MOGAT2: variants seen among roughly 807,000 people sequenced by gnomAD.
The protein encoded by MOGAT2 is monoacylglycerol O-acyltransferase 2.
MOGAT2 carries 27 observed loss-of-function variants against 31.5 expected under a neutral mutation model. That is an observed-to-expected ratio of 0.86 (90% confidence interval 0.63 to 1.18). The LOEUF (loss-of-function observed/expected upper bound fraction) is 1.18, where lower values mean the gene tolerates loss of function less well. Ranked by LOEUF, MOGAT2 falls within the 50% of genes most tolerant of loss-of-function variation. The pLI is 0.00. For synonymous variants in MOGAT2, 163 were observed against 170.0 expected (o/e 0.96, Z 0.32); for missense variants, 436 against 433.2 (o/e 1.01, Z -0.06).
chr11:75,725,356 G>A (rs1403063537), intron 2 of MOGAT2, among the ~76,000 whole-genome samples: 1 of 152,016 alleles, frequency 6.6e-6, no homozygotes, highest in Non-Finnish European at 1.5e-5. Flanking sequence ...ACCAGCCTGG[G>A]CAACATGGTG....
rs79304833 is a variant in MOGAT2, at chr11:75,726,057, T to G, written c.271-1378T>G. On this transcript the variant is annotated intron_variant, in intron 2 of 5. Transcript: ENST00000198801. ...CTGGCCAGGAGCAGCATTTGTTAAC[T>G]GCATTTCTTCCCCTTTCACCTTCAC... Among the ~76,000 whole-genome samples, 709 of 152,340 alleles carry G rather than the reference T, an allele frequency of 4.7e-3. 33 individuals are homozygous for G. The East Asian group carries it at 0.12, about 26-fold the overall frequency.
At chr11:75,720,305 G>A in intron 2 of MOGAT2, 135 bp downstream of exon 2, 1 of 917,052 alleles carries the variant, frequency 1.1e-6, no homozygotes, top group Non-Finnish European at 1.6e-6. Context: ...GCAGGAGCTA[G>A]GGCTTCCGCT....
Position 75,728,058 on chromosome 11 carries a change from C to A in MOGAT2, c.564C>A (p.Ala188=), listed in dbSNP as rs778774220. 9.3e-6 allele frequency: 15 copies of A among 1,614,076 alleles called. No individual in the cohort carries two copies. In the South Asian group the frequency reaches 1.6e-4, roughly 18 times the overall value. The change falls in exon 4 of 6, where the codon GCC becomes GCA. Residue 188 remains alanine, a synonymous_variant. Transcript: ENST00000198801. The part of the protein sequence containing the change: ...GNLLGIIVGG[A]QEALDARPGS... ...TGCTGGGCATCATTGTAGGGGGTGC[C>A]CAGGAGGCCCTGGATGCCAGGCCTG...
At chr11:75,726,919 A>G (rs1944426444) in intron 2 of MOGAT2, among the ~76,000 whole-genome samples, 1 of 152,004 alleles carries the variant, frequency 6.6e-6, no homozygotes, top group South Asian at 2.1e-4. Context: ...CAAACTCCTG[A>G]CCTCAGGTCA....
At chr11:75,725,029 A>T (rs1481761045) in intron 2 of MOGAT2, among the ~76,000 whole-genome samples, 4 of 152,218 alleles carry the variant, frequency 2.6e-5, no homozygotes. Flanking sequence ...CCAAAACCTG[A>T]TGCTTCTGTG....
Position 75,732,723 on chromosome 11 carries a change from A to G in MOGAT2, c.*1437A>G, listed in dbSNP as rs1445227159. Reference sequence around the variant, plus strand: ...GGATAATTCCTACTCATCCTACAATACTGATTTTATCTGTGCAAAGAAGTC... The same window carrying G: ...GGATAATTCCTACTCATCCTACAATGCTGATTTTATCTGTGCAAAGAAGTC... On this transcript the variant is annotated 3_prime_UTR_variant, in exon 6 of 6. Coordinates refer to ENST00000198801, the MANE Select transcript of MOGAT2 (RefSeq NM_025098.4). 3 of 152,152 alleles carry G rather than the reference A, an allele frequency of 2.0e-5. No homozygotes were observed. The highest frequency in any genetic ancestry group is 4.4e-5 in the Non-Finnish European group (3 of 68,054). 9.4% of individuals were successfully genotyped at this position (152,152 alleles called of 1,614,324 possible). A position where few individuals can be genotyped will look rare whatever the true frequency, so the allele number is the denominator to read the frequency against.
Position 75,731,220 on chromosome 11 carries a change from C to T in MOGAT2, c.939C>T (p.Cys313=). 8 of 1,614,168 alleles carry T rather than the reference C, an allele frequency of 5.0e-6. No homozygotes were observed. The highest frequency in any genetic ancestry group is 6.8e-6 in the Non-Finnish European group (8 of 1,180,038). Residue 313 remains cysteine (C), a synonymous_variant, in exon 6 of 6, where the codon TGC becomes TGT. Transcript: ENST00000198801. ...QLHQRYIKEL[C]NLFEAHKLKF... is the part of the protein sequence containing the mutation. The stretch of plus-strand genomic sequence containing the variant: ...ACCAGCGTTATATCAAAGAGCTGTG[C>T]AACCTCTTCGAGGCCCACAAACTTA...
intron 3 of MOGAT2, 106 bp downstream of exon 3, chr11:75,727,745 C>A: frequency 8.0e-7 from 1 of 1,245,600 alleles, no homozygotes; most frequent in South Asian, 1.4e-5. Flanking sequence ...GAGAAGGAGG[C>A]TAGGCCCAAA....
chr11:75,718,106 A>G, intron 1 of MOGAT2, 127 bp downstream of exon 1: 1 of 987,222 alleles, frequency 1.0e-6, no homozygotes, highest in South Asian at 1.5e-5. Flanking sequence ...TGTTGCGCTC[A>G]GAGCCCCTGC....
intron 1 of MOGAT2, 32 bp from the exon 2 acceptor site, chr11:75,719,960 C>A: frequency 6.2e-7 from 1 of 1,606,524 alleles, no homozygotes; most frequent in African/African-American, 1.3e-5. Context: ...TCTCAGACCC[C>A]TGTCCCTGAC....
chr11:75,729,885 C>T (rs1307099418), intron 5 of MOGAT2, among the ~76,000 whole-genome samples: 1 of 151,714 alleles, frequency 6.6e-6, no homozygotes, highest in Non-Finnish European at 1.5e-5. Context: ...GCTGGGATTA[C>T]AGGTGCGTGC....
intron 2 of MOGAT2, among the ~76,000 whole-genome samples, chr11:75,725,487 G>A (rs1177872902): frequency 1.3e-5 from 2 of 152,124 alleles, no homozygotes; most frequent in African/African-American, 4.8e-5. Context: ...GGTGGAGGTT[G>A]CAGTGAGCTG....
At position 75,731,291 on chromosome 11, in the gene MOGAT2, A is replaced by G; in HGVS notation, c.*5A>G. The G allele has an allele frequency of 1.2e-6, 2 of 1,613,698 alleles. No homozygotes were observed. The highest frequency in any genetic ancestry group is 1.7e-6 in the Non-Finnish European group (2 of 1,179,772). On this transcript the variant is annotated 3_prime_UTR_variant, in exon 6 of 6. Transcript: ENST00000198801. ...CAGCACTTGGAGTTCTGCTGAGCCC[A>G]AAGGGCAGGGCCAACATTAGGGAGC...
At chr11:75,725,195 C>T (rs1944410975) in intron 2 of MOGAT2, among the ~76,000 whole-genome samples, 1 of 152,152 alleles carries the variant, frequency 6.6e-6, no homozygotes, top group African/African-American at 2.4e-5. Context: ...ATTACCCTCC[C>T]ACTAGCAGTG....
At chr11:75,721,802 A>AG (rs993672558) in intron 2 of MOGAT2, among the ~76,000 whole-genome samples, 1 of 151,936 alleles carries the variant, frequency 6.6e-6, no homozygotes, top group African/African-American at 2.4e-5. Flanking sequence ...GCAAAGGGGG[A>AG]GGGGTAGAGG....
At chr11:75,719,265 CT>C (rs1276544424) in intron 1 of MOGAT2, 1 of 152,302 alleles carries the variant, frequency 6.6e-6, no homozygotes, top group East Asian at 1.9e-4. Flanking sequence ...TGATGCACCC[CT>C]GATTATGGGG....
chr11:75,721,740 C>T (rs368853589), intron 2 of MOGAT2, among the ~76,000 whole-genome samples: 16 of 152,322 alleles, frequency 1.1e-4, no homozygotes, highest in South Asian at 8.3e-4. Context: ...TCTCCCACCC[C>T]GCCTGGGAAC....
chr11:75,721,097 T>TA (rs1944373076), intron 2 of MOGAT2, among the ~76,000 whole-genome samples: 1 of 152,014 alleles, frequency 6.6e-6, no homozygotes, highest in Non-Finnish European at 1.5e-5. Context: ...AGGGGTAAGA[T>TA]ATGGCCCGTG....
rs1344945586 is a variant in MOGAT2, at chr11:75,719,973, C to T, written c.92-19C>T. The T allele has an allele frequency of 1.3e-6, 2 of 1,554,798 alleles. No homozygotes were observed. The highest frequency in any genetic ancestry group is 1.8e-5 in the Admixed American group (1 of 54,156). Reference sequence around the variant, plus strand: ...CCTCTCAGACCCCTGTCCCTGACAGCTCCTTCTTCCCTCCCCAGCCGAGAT... The same window carrying T: ...CCTCTCAGACCCCTGTCCCTGACAGTTCCTTCTTCCCTCCCCAGCCGAGAT... On this transcript the variant is annotated intron_variant, in intron 1 of 5. Transcript: ENST00000198801.
Sources: gnomAD v4.1 joint callset for allele counts (sites outside exome capture counted in the v4.1 genomes callset) on GRCh38, gnomAD v4.1.1 for gene constraint, MANE v1.5 for transcripts, NCBI Gene and HGNC (gene_info 2026-07-23, HGNC 2026-07-21) for gene names.